ROBO2: variants seen among roughly 807,000 people sequenced by gnomAD.
The protein encoded by ROBO2 is roundabout guidance receptor 2, also known as roundabout homolog 2.
Under a neutral mutation model 160.8 loss-of-function variants are expected in ROBO2, and 53 were observed. That is an observed-to-expected ratio of 0.33 (90% CI 0.26 to 0.41). The LOEUF is 0.41. Ranked by LOEUF, ROBO2 falls within the 10% of genes least tolerant of loss-of-function variation. The pLI is 1.00. For missense variants in ROBO2, 1,577 were observed against 1,722.4 expected (o/e 0.92, Z 1.49); for synonymous variants, 664 against 611.7 (o/e 1.09, Z -1.26).
At chr3:76,214,829 C>T (rs1025780403) in intron 2 of ROBO2, among the ~76,000 whole-genome samples, 3 of 152,208 alleles carry the variant, frequency 2.0e-5, no homozygotes, top group East Asian at 1.9e-4. Flanking sequence ...TCTCCCAGCA[C>T]GCAGCTGGAG....
At chr3:76,402,779 A>G (rs1050946927) in intron 2 of ROBO2, among the ~76,000 whole-genome samples, 1 of 151,558 alleles carries the variant, frequency 6.6e-6, no homozygotes, top group African/African-American at 2.4e-5. Context: ...ATTCCTCTCA[A>G]TTTGAATTTC....
intron 2 of ROBO2, among the ~76,000 whole-genome samples, chr3:75,957,792 C>T (rs1948774458): frequency 6.6e-6 from 1 of 151,490 alleles, no homozygotes; most frequent in South Asian, 2.1e-4. Context: ...CTCCCCATTC[C>T]AGATCATTAG....
Position 76,166,529 on chromosome 3 carries a change from T to C in ROBO2, c.109+228927T>C, listed in dbSNP as rs571926101. Among the ~76,000 whole-genome samples the C allele has an allele frequency of 4.3e-4, 65 of 152,256 alleles. No homozygotes were observed. The South Asian group carries it at 0.013, about 32-fold the overall frequency. On this transcript the variant is annotated intron_variant, in intron 2 of 26. Transcript: ENST00000487694. ...TTCTTTCCCATTTCTCTACAACGAA[T>C]TACCTCAACCTCTAAATAAATCCTC... is the stretch of plus-strand genomic sequence containing the variant.
At chr3:77,188,198 A>C (rs1017722614) in intron 2 of ROBO2, among the ~76,000 whole-genome samples, 6 of 151,872 alleles carry the variant, frequency 4.0e-5, no homozygotes, top group Non-Finnish European at 7.4e-5. Context: ...AAGTAGGCTT[A>C]TTTACTTATA....
At chr3:76,426,925 T>C (rs1312137451) in intron 2 of ROBO2, among the ~76,000 whole-genome samples, 9 of 152,128 alleles carry the variant, frequency 5.9e-5, no homozygotes, top group South Asian at 2.1e-4. Flanking sequence ...CTCTTCGTGA[T>C]GGTGAGAGCA....
chr3:77,562,509 A>C (rs1254882450), intron 9 of ROBO2, 142 bp from the exon 11 acceptor site: 4 of 625,844 alleles, frequency 6.4e-6, no homozygotes, highest in Non-Finnish European at 1.2e-5. Flanking sequence ...TTATGTATAC[A>C]TATGATTGAC....
At chr3:76,292,110 T>C (rs1576287971) in intron 2 of ROBO2, among the ~76,000 whole-genome samples, 1 of 152,318 alleles carries the variant, frequency 6.6e-6, no homozygotes, top group African/African-American at 2.4e-5. Context: ...GGTAGATTAT[T>C]GAAGTCTCCT....
chr3:76,064,426 G>A (rs2068177186), intron 2 of ROBO2, among the ~76,000 whole-genome samples: 2 of 152,026 alleles, frequency 1.3e-5, no homozygotes, highest in Non-Finnish European at 2.9e-5. Flanking sequence ...CCAGTCCAGG[G>A]AACTAGCATA....
intron 13 of ROBO2, 143 bp downstream of exon 14, chr3:77,568,577 A>G (rs2093554913): frequency 1.0e-6 from 1 of 966,954 alleles, no homozygotes; most frequent in South Asian, 1.4e-5. Context: ...AAGAAAATCA[A>G]CAAATTAAAA....
intron 1 of ROBO2, among the ~76,000 whole-genome samples, chr3:75,928,478 T>C (rs1392455721): frequency 4.9e-4 from 2 of 4,078 alleles, no homozygotes; most frequent in Non-Finnish European, 0.013. Flanking sequence ...ATCCAGATGC[T>C]GTATCTTGGC....
intron 2 of ROBO2, among the ~76,000 whole-genome samples, chr3:76,956,007 A>T (rs1183880776): frequency 2.0e-5 from 3 of 152,152 alleles, no homozygotes; most frequent in African/African-American, 7.2e-5. Flanking sequence ...TTCCACCAAG[A>T]ATTTTAGATA....
chr3:77,602,648 TACCACCACCACCGCCACCACC>T (rs2094451732), intron 20 of ROBO2, 157 bp downstream of exon 21: 8 of 866,078 alleles, frequency 9.2e-6, no homozygotes, highest in Admixed American at 4.2e-5. Context: ...GAGTAATTCC[TACCACCACCACCGCCACCACC>T]ACCACCACCA....
chr3:76,939,935 A>C (rs991102123), intron 2 of ROBO2, among the ~76,000 whole-genome samples: 1 of 151,458 alleles, frequency 6.6e-6, no homozygotes. Flanking sequence ...ATCACTATTT[A>C]ATTTGAAGGA....
At chr3:76,392,715 A>G (rs958556571) in intron 2 of ROBO2, among the ~76,000 whole-genome samples, 1 of 152,218 alleles carries the variant, frequency 6.6e-6, no homozygotes, top group African/African-American at 2.4e-5. Flanking sequence ...TATAGAAGAT[A>G]GATATGTTAG....
chr3:76,447,602 T>G (rs1031299385), intron 2 of ROBO2, among the ~76,000 whole-genome samples: 4 of 149,982 alleles, frequency 2.7e-5, no homozygotes, highest in Non-Finnish European at 4.4e-5. Flanking sequence ...CGTATGTATA[T>G]TGCGGCACTA....
At chr3:76,528,315 G>A (rs983767234) in intron 2 of ROBO2, among the ~76,000 whole-genome samples, 2 of 152,096 alleles carry the variant, frequency 1.3e-5, no homozygotes, top group African/African-American at 4.8e-5. Flanking sequence ...GCTGGTGGAG[G>A]TCACATTTAG....
At chr3:76,322,164 G>GTGTATATATATATA (rs2072587425) in intron 2 of ROBO2, among the ~76,000 whole-genome samples, 1 of 108,156 alleles carries the variant, frequency 9.2e-6, no homozygotes, top group African/African-American at 4.5e-5. Context: ...TACTTCTTCC[G>GTGTATATATATATA]TATATATATA....
intron 1 of ROBO2, among the ~76,000 whole-genome samples, chr3:75,910,391 G>T (rs373870877): frequency 6.6e-6 from 1 of 152,126 alleles, no homozygotes; most frequent in Non-Finnish European, 1.5e-5. Context: ...ATACAAATTT[G>T]TACAAGATAT....
Position 76,816,363 on chromosome 3 carries a change from G to A in ROBO2, c.110-281651G>A, listed in dbSNP as rs562268415. ...CGAATGTACATGACAAATTGTTAGC[G>A]CCATGCGGTATTCGATAGGAAGAGT... On this transcript the variant is annotated intron_variant, in intron 2 of 26. Transcript: ENST00000487694. Among the ~76,000 whole-genome samples, 20 of 152,106 alleles carry A rather than the reference G, an allele frequency of 1.3e-4. 1 individual carries two copies. In the East Asian group the frequency reaches 3.3e-3, roughly 25 times the overall value.
Sources: gnomAD v4.1 joint callset for allele counts (sites outside exome capture counted in the v4.1 genomes callset) on GRCh38, gnomAD v4.1.1 for gene constraint, MANE v1.5 for transcripts, NCBI Gene and HGNC (gene_info 2026-07-23, HGNC 2026-07-21) for gene names.